The following DEUP1 variants were observed in gnomAD, a reference collection of about 807,000 sequenced individuals.
DEUP1 encodes the protein deuterosome assembly protein 1.
In DEUP1, 82 loss-of-function variants were observed where a neutral mutation model predicts 87.4. The observed-to-expected ratio is 0.94, with a 90% CI of 0.78 to 1.13. The LOEUF (loss-of-function observed/expected upper bound fraction) is 1.13, where lower values mean the gene tolerates loss of function less well. Ranked by LOEUF, DEUP1 falls within the 50% of genes most tolerant of loss-of-function variation. DEUP1 has a pLI of 0.00. For missense variants in DEUP1, 663 were observed against 681.5 expected (o/e 0.97, Z 0.30); for synonymous variants, 214 against 222.7 (o/e 0.96, Z 0.35).
chr11:93,408,521 T>C (rs1947347463), intron 12 of DEUP1, 94 bp downstream of exon 12: 1 of 799,408 alleles, frequency 1.3e-6, no homozygotes, highest in African/African-American at 1.8e-5. Context: ...ATACGCTTTC[T>C]CTTCTGTGGT....
intron 2 of DEUP1, among the ~76,000 whole-genome samples, chr11:93,341,258 A>T (rs1040555233): frequency 2.0e-5 from 3 of 151,870 alleles, no homozygotes; most frequent in Non-Finnish European, 4.4e-5. Flanking sequence ...TCTCTACAAA[A>T]AAAAAAAAAA....
chr11:93,418,551 T>C (rs1297631999), intron 13 of DEUP1, among the ~76,000 whole-genome samples: 10 of 151,450 alleles, frequency 6.6e-5, no homozygotes, highest in Non-Finnish European at 1.3e-4. Context: ...GGAGAGGATA[T>C]GGAGAAATAG....
At position 93,415,350 on chromosome 11, in the gene DEUP1, G is replaced by A. The variant is rs1591253429; in HGVS notation, c.1638+236G>A. ...GATTATTAACCTCTAATGCAGGCCA[G>A]AATTACTGGAGATGGTGTTTTTTAA... On this transcript the variant is annotated intron_variant, in intron 13 of 13. Transcript: ENST00000298050. 1.2e-5 allele frequency: 3 copies of A among 258,542 alleles called. No homozygotes were observed. The East Asian group carries it at 2.2e-4, about 19-fold the overall frequency. 16.0% of individuals were successfully genotyped at this position (258,542 alleles called of 1,614,324 possible). A position where few individuals can be genotyped will look rare whatever the true frequency, so the allele number is the denominator to read the frequency against.
Position 93,355,442 on chromosome 11 carries a change from T to C in DEUP1, c.101T>C (p.Met34Thr), listed in dbSNP as rs1944849026. ...GACATCATGGTAAGCAACAAGAAAA[T>C]GGATTGGGAAAGAAAGATGCGGGCT... ...QIDIMVSNKK[M>T]DWERKMRALE... Residue 34 changes from methionine to threonine, a missense_variant, in exon 3 of 14, where the codon ATG becomes ACG. By Grantham distance (81) the Met-to-Thr change is moderately conservative (BLOSUM62 -1). Coordinates refer to ENST00000298050, the MANE Select transcript of DEUP1 (RefSeq NM_181645.4). The C allele has an allele frequency of 6.2e-7, 1 of 1,613,448 alleles. No individual in the cohort carries two copies. The highest frequency in any genetic ancestry group is 1.3e-5 in the African/African-American group (1 of 74,934).
intron 11 of DEUP1, among the ~76,000 whole-genome samples, chr11:93,404,991 G>A (rs1947225682): frequency 6.6e-6 from 1 of 151,770 alleles, no homozygotes; most frequent in South Asian, 2.1e-4. Context: ...TTTAATTATG[G>A]TACATTTAGG....
chr11:93,341,058 T>C (rs140603397), intron 2 of DEUP1, among the ~76,000 whole-genome samples: 13 of 152,282 alleles, frequency 8.5e-5, no homozygotes, highest in East Asian at 3.9e-4. Flanking sequence ...CATTCTTATT[T>C]TGGGTTCCTA....
At chr11:93,437,425 T>C in intron 13 of DEUP1, 118 bp from the exon 14 acceptor site, 1 of 715,426 alleles carries the variant, frequency 1.4e-6, no homozygotes, top group South Asian at 2.0e-5. Flanking sequence ...CCAGGATGTA[T>C]TCTTTCATTA....
At chr11:93,370,259 A>C in intron 6 of DEUP1, 73 bp downstream of exon 6, 1 of 789,160 alleles carries the variant, frequency 1.3e-6, no homozygotes, top group Non-Finnish European at 2.0e-6. Flanking sequence ...TTCACCAGTA[A>C]TCTATTTACA....
At chr11:93,410,035 G>A (rs11020315) in intron 12 of DEUP1, among the ~76,000 whole-genome samples, 51,914 of 151,700 alleles carry the variant, frequency 0.34, 9,563 homozygotes, top group African/African-American at 0.47. Flanking sequence ...TAAATCCGTA[G>A]GTCCATGGGA....
At position 93,385,546 on chromosome 11, in the gene DEUP1, AT is replaced by A. The variant is rs1181343054; in HGVS notation, c.935+4del. 1 of 1,586,284 alleles carries A rather than the reference AT, an allele frequency of 6.3e-7. No homozygotes were observed. Among genetic ancestry groups the A allele is most frequent in the Non-Finnish European group, 8.5e-7 (1 of 1,170,788 alleles). On this transcript the variant is annotated splice_donor_region_variant and intron_variant, in intron 8 of 13. Transcript: ENST00000298050. ...AATGCTCAAGGAAATAAAACAAGGT[AT>A]AATCTTTATATTTGACAATCTGAGA... is the stretch of plus-strand genomic sequence containing the variant.
intron 2 of DEUP1, among the ~76,000 whole-genome samples, chr11:93,354,794 CAT>C (rs1433766022): frequency 1.4e-4 from 21 of 152,324 alleles, no homozygotes; most frequent in African/African-American, 4.6e-4. Context: ...CCTCCCATAA[CAT>C]GTGGGAATTC....
In DEUP1 at chr11:93,355,484, A is replaced by C; in HGVS notation, c.143A>C (p.Asp48Ala). 1 of 1,613,846 alleles carries C rather than the reference A, an allele frequency of 6.2e-7. No individual in the cohort carries two copies. The highest frequency in any genetic ancestry group is 8.5e-7 in the Non-Finnish European group (1 of 1,179,826). ...ATGCGGGCTTTGGAGACACGATTAGATCTTCGGGATCAAGAATTGGCAAAT... is the reference window on the plus strand; with the variant it reads ...ATGCGGGCTTTGGAGACACGATTAGCTCTTCGGGATCAAGAATTGGCAAAT... ...RKMRALETRLDLRDQELANAQ... is the reference protein window; with the variant it reads ...RKMRALETRLALRDQELANAQ... Residue 48 changes from aspartate (D) to alanine (A), a missense_variant, in exon 3 of 14, where the codon GAT becomes GCT. Asp to Ala is a moderately radical substitution (Grantham distance 126). Transcript: ENST00000298050.
chr11:93,341,270 T>A (rs1004970111), intron 2 of DEUP1, among the ~76,000 whole-genome samples: 3 of 150,612 alleles, frequency 2.0e-5, no homozygotes, highest in African/African-American at 7.3e-5. Flanking sequence ...AAAAAAAAAA[T>A]TAGCTGGGTG....
At chr11:93,348,118 A>G (rs1214212966) in intron 2 of DEUP1, among the ~76,000 whole-genome samples, 1 of 152,162 alleles carries the variant, frequency 6.6e-6, no homozygotes, top group Non-Finnish European at 1.5e-5. Context: ...TAGATTTTCT[A>G]GTTTATGTGC....
chr11:93,412,550 TATAA>T (rs1432526962), intron 12 of DEUP1, among the ~76,000 whole-genome samples: 1 of 152,192 alleles, frequency 6.6e-6, no homozygotes, highest in Non-Finnish European at 1.5e-5. Flanking sequence ...AATGTCCCTA[TATAA>T]ATGTTAGTAA....
chr11:93,360,515 C>T (rs1344738806), intron 4 of DEUP1, among the ~76,000 whole-genome samples: 2 of 152,168 alleles, frequency 1.3e-5, no homozygotes, highest in Admixed American at 6.6e-5. Flanking sequence ...TTTAAAGCAG[C>T]TGTTATAAAA....
At chr11:93,373,641 A>ATG (rs1555048293) in intron 7 of DEUP1, among the ~76,000 whole-genome samples, 1 of 146,240 alleles carries the variant, frequency 6.8e-6, no homozygotes, top group Admixed American at 6.8e-5. Context: ...ATATATATAT[A>ATG]TATATATATA....
At chr11:93,355,674 C>T (rs1052314707) in intron 3 of DEUP1, 132 bp downstream of exon 3, 28 of 778,918 alleles carry the variant, frequency 3.6e-5, no homozygotes, top group Non-Finnish European at 5.5e-5. Flanking sequence ...GAAATTCTGT[C>T]AGCAAATTAT....
At chr11:93,351,253 A>G (rs1025759953) in intron 2 of DEUP1, among the ~76,000 whole-genome samples, 1 of 152,004 alleles carries the variant, frequency 6.6e-6, no homozygotes, top group African/African-American at 2.4e-5. Context: ...TCACTGAACA[A>G]TATTGATTGA....
Sources: gnomAD v4.1 joint callset for allele counts (sites outside exome capture counted in the v4.1 genomes callset) on GRCh38, gnomAD v4.1.1 for gene constraint, MANE v1.5 for transcripts, NCBI Gene and HGNC (gene_info 2026-07-23, HGNC 2026-07-21) for gene names.